GABRG3: variants seen among roughly 807,000 people sequenced by gnomAD.
GABRG3 encodes the protein gamma-aminobutyric acid type A receptor subunit gamma3, also known as gamma-aminobutyric acid receptor subunit gamma-3.
In GABRG3, 25 loss-of-function variants were observed where a neutral mutation model predicts 48.8. The observed-to-expected ratio is 0.51, with a 90% confidence interval of 0.37 to 0.72. The LOEUF is 0.72. Among genes scored for constraint, GABRG3 ranks in the 30% least tolerant of loss-of-function variants. The pLI, the probability that GABRG3 is intolerant of heterozygous loss-of-function variation, is 0.00. For synonymous variants in GABRG3, 227 were observed against 217.6 expected (o/e 1.04, Z -0.38); for missense variants, 394 against 577.9 (o/e 0.68, Z 3.26).
intron 6 of GABRG3, among the ~76,000 whole-genome samples, chr15:27,501,144 G>A (rs974259663): frequency 5.3e-5 from 8 of 151,894 alleles, no homozygotes; most frequent in Non-Finnish European, 1.0e-4. Flanking sequence ...GTAGAGACAG[G>A]GTTTCACCGT....
chr15:27,334,597 A>T (rs1893903176), intron 5 of GABRG3, among the ~76,000 whole-genome samples: 1 of 152,096 alleles, frequency 6.6e-6, no homozygotes, highest in African/African-American at 2.4e-5. Context: ...CGTGTCTTGA[A>T]CCTTATCTTT....
chr15:27,416,703 C>T (rs1887950686), intron 5 of GABRG3, among the ~76,000 whole-genome samples: 1 of 152,192 alleles, frequency 6.6e-6, no homozygotes, highest in Non-Finnish European at 1.5e-5. Context: ...TGCCCTGGCA[C>T]TGGTTCCCAC....
intron 3 of GABRG3, among the ~76,000 whole-genome samples, chr15:27,038,307 G>A (rs1169655008): frequency 6.6e-6 from 1 of 152,146 alleles, no homozygotes; most frequent in East Asian, 1.9e-4. Context: ...TCGTCACATG[G>A]TGCAGGGGAC....
intron 5 of GABRG3, among the ~76,000 whole-genome samples, chr15:27,377,101 C>G (rs527313527): frequency 7.2e-5 from 11 of 152,212 alleles, no homozygotes; most frequent in African/African-American, 2.4e-4. Flanking sequence ...CAAAATGCTG[C>G]TAGTCTCTTT....
At chr15:27,434,451 G>A (rs112113000) in intron 5 of GABRG3, among the ~76,000 whole-genome samples, 2,028 of 152,116 alleles carry the variant, frequency 0.013, 33 homozygotes, top group African/African-American at 0.047. Context: ...GGCCTTTATA[G>A]TATGTAGTGA....
At chr15:27,234,396 C>T (rs998555207) in intron 3 of GABRG3, among the ~76,000 whole-genome samples, 1 of 152,162 alleles carries the variant, frequency 6.6e-6, no homozygotes, top group African/African-American at 2.4e-5. Flanking sequence ...TTTAGAGTCT[C>T]TGGGCCTCCG....
intron 2 of GABRG3, among the ~76,000 whole-genome samples, chr15:27,020,826 T>C (rs1356577814): frequency 1.6e-4 from 24 of 152,236 alleles, no homozygotes; most frequent in Admixed American, 1.0e-3. Context: ...TAATTTTTGT[T>C]GTAACAGATG....
At chr15:27,417,384 G>T (rs1010338351) in intron 5 of GABRG3, among the ~76,000 whole-genome samples, 3 of 152,156 alleles carry the variant, frequency 2.0e-5, no homozygotes, top group Non-Finnish European at 2.9e-5. Context: ...ATGACCTCTA[G>T]GTGACTGATG....
intron 6 of GABRG3, among the ~76,000 whole-genome samples, chr15:27,491,048 A>G (rs894178923): frequency 1.3e-5 from 2 of 152,180 alleles, no homozygotes; most frequent in Non-Finnish European, 2.9e-5. Context: ...TCAGAACACC[A>G]CGCATGAGAG....
At chr15:27,068,842 T>C (rs1896780696) in intron 3 of GABRG3, among the ~76,000 whole-genome samples, 1 of 152,184 alleles carries the variant, frequency 6.6e-6, no homozygotes, top group Non-Finnish European at 1.5e-5. Context: ...AGTTAGGGCA[T>C]TTTGTTTAAT....
At chr15:27,019,055 CTTTTTTTTTTTTTTTTTT>C (rs9331868) in intron 2 of GABRG3, among the ~76,000 whole-genome samples, 27 of 42,004 alleles carry the variant, frequency 6.4e-4, no homozygotes, top group African/African-American at 2.5e-3. Flanking sequence ...TCCCTAGAGT[CTTTTTTTTTTTTTTTTTT>C]TTTTTTTTTT....
At chr15:27,077,824 A>G (rs1160195240) in intron 3 of GABRG3, among the ~76,000 whole-genome samples, 3 of 152,210 alleles carry the variant, frequency 2.0e-5, no homozygotes, top group African/African-American at 7.2e-5. Flanking sequence ...GCTGAGTCCT[A>G]TGAGGACCAA....
chr15:27,472,553 G>A (rs949171972), intron 5 of GABRG3, among the ~76,000 whole-genome samples: 10 of 152,164 alleles, frequency 6.6e-5, no homozygotes, highest in African/African-American at 9.7e-5. Flanking sequence ...TGGGATTACA[G>A]GTGTGAGCCA....
At chr15:27,241,564 C>T (rs1456565435) in intron 3 of GABRG3, among the ~76,000 whole-genome samples, 1 of 152,198 alleles carries the variant, frequency 6.6e-6, no homozygotes, top group Non-Finnish European at 1.5e-5. Context: ...GCAAACCAGG[C>T]ATTCAGTGAC....
chr15:27,099,966 C>A (rs895363857), intron 3 of GABRG3, among the ~76,000 whole-genome samples: 1 of 152,052 alleles, frequency 6.6e-6, no homozygotes, highest in Non-Finnish European at 1.5e-5. Context: ...TCTGTAATCC[C>A]AGCACTTTGG....
At chr15:27,134,985 C>G (rs1897983162) in intron 3 of GABRG3, among the ~76,000 whole-genome samples, 1 of 152,192 alleles carries the variant, frequency 6.6e-6, no homozygotes. Flanking sequence ...ACGTTAGAGT[C>G]AGCTTTACAA....
At chr15:27,263,935 A>G (rs1237965891) in intron 3 of GABRG3, among the ~76,000 whole-genome samples, 2 of 85,206 alleles carry the variant, frequency 2.3e-5, no homozygotes, top group African/African-American at 4.0e-5. Flanking sequence ...AAAAAAAAAA[A>G]AAAGAAAAAG....
In GABRG3 at chr15:27,104,396, A is replaced by T. The variant is rs961489425; in HGVS notation, c.270+77575A>T. On this transcript the variant is annotated intron_variant, in intron 3 of 9. Transcript: ENST00000615808. ...CGCGTGAGTTTGAGTATGAATGTAG[A>T]TGCTCCCTATCCAGTCTTAGTAGGA... 2.6e-5 allele frequency among the ~76,000 whole-genome samples: 4 copies of T among 152,278 alleles called. No individual in the cohort carries two copies. The South Asian group carries it at 8.3e-4, about 32-fold the overall frequency.
At chr15:27,429,785 A>C (rs569124841) in intron 5 of GABRG3, among the ~76,000 whole-genome samples, 1 of 152,338 alleles carries the variant, frequency 6.6e-6, no homozygotes, top group East Asian at 1.9e-4. Flanking sequence ...CATCGCATGG[A>C]TATACCACAA....
Sources: gnomAD v4.1 joint callset for allele counts (sites outside exome capture counted in the v4.1 genomes callset) on GRCh38, gnomAD v4.1.1 for gene constraint, MANE v1.5 for transcripts, NCBI Gene and HGNC (gene_info 2026-07-23, HGNC 2026-07-21) for gene names.